Variants in MRPS31 observed in about 807,000 individuals in gnomAD.
MRPS31 encodes small ribosomal subunit protein mS31.
A neutral mutation model predicts 43.1 loss-of-function variants in MRPS31; 32 were observed. That is an observed-to-expected ratio of 0.74 (90% CI 0.56 to 1.00). The LOEUF (loss-of-function observed/expected upper bound fraction) is 1.00. Among genes scored for constraint, MRPS31 ranks in the 50% least tolerant of loss-of-function variants. MRPS31 has a pLI of 0.00. For missense variants in MRPS31, 437 were observed against 466.7 expected (o/e 0.94, Z 0.59); for synonymous variants, 165 against 161.6 (o/e 1.02, Z -0.16).
intron 6 of MRPS31, among the ~76,000 whole-genome samples, chr13:40,742,044 C>T (rs770886940): frequency 4.0e-5 from 6 of 151,626 alleles, no homozygotes; most frequent in Non-Finnish European, 5.9e-5. Context: ...AAACTATTGA[C>T]GATGGTTATT....
At chr13:40,744,201 G>A (rs935200255) in intron 6 of MRPS31, among the ~76,000 whole-genome samples, 1 of 152,190 alleles carries the variant, frequency 6.6e-6, no homozygotes, top group African/African-American at 2.4e-5. Flanking sequence ...GCCTATTTGA[G>A]GGTGGAGGGT....
chr13:40,765,439 A>G (rs1193508814), intron 2 of MRPS31, among the ~76,000 whole-genome samples: 1 of 152,218 alleles, frequency 6.6e-6, no homozygotes, highest in African/African-American at 2.4e-5. Flanking sequence ...TTCAATTATA[A>G]TTATAATAAA....
In MRPS31 at chr13:40,729,514, T is replaced by G. The variant is rs1216862252; in HGVS notation, c.1046A>C (p.His349Pro). The change falls in exon 7 of 7, where the codon CAC becomes CCC. Residue 349 changes from histidine to proline, a missense_variant. By Grantham distance (77) the His-to-Pro change is moderately conservative. Transcript: ENST00000323563. ...GCCACAAGTCACCAGCTCCATGAAG[T>G]GGCGAATTGGTCCTTGTTTTGGAAA... ...ESFPKQGPIR[H>P]FMELVTCGLS... The G allele has an allele frequency of 6.2e-7, 1 of 1,614,090 alleles. No individual in the cohort carries two copies. Among genetic ancestry groups the G allele is most frequent in the Non-Finnish European group, 8.5e-7 (1 of 1,179,972 alleles).
rs117439653 is a variant in MRPS31, at chr13:40,763,558, T to C, written c.440+3188A>G. ...TCAATTTTGTCATGACAATGTTGCC[T>C]ATAGTATAGCTGAAATTCTACAGTT... On this transcript the variant is annotated intron_variant, in intron 2 of 6. Transcript: ENST00000323563. Among the ~76,000 whole-genome samples the C allele has an allele frequency of 4.7e-3, 713 of 152,258 alleles. 4 individuals are homozygous for C. The highest frequency in any genetic ancestry group is 7.5e-3 in the Non-Finnish European group (511 of 68,016).
At chr13:40,769,401 T>C (rs947138093) in intron 1 of MRPS31, among the ~76,000 whole-genome samples, 3 of 96,982 alleles carry the variant, frequency 3.1e-5, no homozygotes, top group East Asian at 7.0e-4. Context: ...TATATATATA[T>C]ATATATATAT....
In MRPS31 at chr13:40,771,157, C is replaced by T; in HGVS notation, c.-21G>A. 6.3e-7 allele frequency: 1 copy of T among 1,585,856 alleles called. No individual in the cohort carries two copies. On this transcript the variant is annotated 5_prime_UTR_variant, in exon 1 of 7. Coordinates refer to ENST00000323563, the MANE Select transcript of MRPS31 (RefSeq NM_005830.4). Reference sequence around the variant, plus strand: ...AACATCGCCGAGACACGAAATGAACCAAGAACACAACTGAAATGGTGCGTC... The same window carrying T: ...AACATCGCCGAGACACGAAATGAACTAAGAACACAACTGAAATGGTGCGTC...
intron 6 of MRPS31, among the ~76,000 whole-genome samples, chr13:40,735,324 C>A (rs1879859138): frequency 6.6e-6 from 1 of 152,196 alleles, no homozygotes. Flanking sequence ...AGTCTGAGAT[C>A]AAACTGCAAG....
intron 6 of MRPS31, among the ~76,000 whole-genome samples, chr13:40,735,564 C>T (rs1463120111): frequency 1.3e-5 from 2 of 152,104 alleles, no homozygotes; most frequent in African/African-American, 4.8e-5. Flanking sequence ...GTGGTTCTCC[C>T]AGCACGCAGC....
At chr13:40,754,983 G>A (rs1055639395) in intron 4 of MRPS31, among the ~76,000 whole-genome samples, 15 of 152,342 alleles carry the variant, frequency 9.8e-5, no homozygotes, top group Middle Eastern at 3.4e-3. Context: ...GCAGTGAGCC[G>A]ACATTGTGCC....
intron 6 of MRPS31, among the ~76,000 whole-genome samples, chr13:40,737,281 G>T (rs1879942921): frequency 6.6e-6 from 1 of 152,074 alleles, no homozygotes; most frequent in Non-Finnish European, 1.5e-5. Context: ...GATTCATAAA[G>T]CAAGTCCTGA....
At chr13:40,742,422 T>C (rs551942276) in intron 6 of MRPS31, among the ~76,000 whole-genome samples, 3 of 152,344 alleles carry the variant, frequency 2.0e-5, no homozygotes, top group South Asian at 2.1e-4. Flanking sequence ...TCACTTTGAA[T>C]TGCTGTTTCC....
intron 6 of MRPS31, among the ~76,000 whole-genome samples, chr13:40,747,063 C>T (rs569134438): frequency 1.3e-5 from 2 of 152,012 alleles, no homozygotes; most frequent in Non-Finnish European, 2.9e-5. Flanking sequence ...TACCTCAATA[C>T]TGTTTTTTTT....
In MRPS31 at chr13:40,766,959, C is replaced by T. The variant is rs868622225; in HGVS notation, c.227G>A (p.Arg76Gln). 16 of 1,613,876 alleles carry T rather than the reference C, an allele frequency of 9.9e-6. No individual in the cohort carries two copies. The highest frequency in any genetic ancestry group is 1.7e-5 in the Admixed American group (1 of 59,986). The change falls in exon 2 of 7, where the codon CGA (arginine) becomes CAA (glutamine). Residue 76 changes from arginine (R) to glutamine (Q), a missense_variant. Physicochemically the swap from Arg to Gln is conservative, Grantham distance 43. Transcript: ENST00000323563. Reference sequence around the variant, plus strand: ...AGTCTCCTTGGAAGTCTCCTCAGTTCGAACAGACTGCTTATCTTTCTTGCT... The same window carrying T: ...AGTCTCCTTGGAAGTCTCCTCAGTTTGAACAGACTGCTTATCTTTCTTGCT... ...ICSKKDKQSV[R>Q]TEETSKETSE...
chr13:40,756,987 T>C lies in MRPS31; in HGVS notation c.626A>G (p.Lys209Arg). Reference sequence around the variant, plus strand: ...TCTAGCTGTAGCAGATCTGGCAACTTTCATATCTGATATTATGTTACTGAA... The same window carrying C: ...TCTAGCTGTAGCAGATCTGGCAACTCTCATATCTGATATTATGTTACTGAA... ...ISFSNIISDM[K>R]VARSATARVR... Residue 209 changes from lysine to arginine, a missense_variant, in exon 4 of 7, where the codon AAA (lysine) becomes AGA (arginine). Transcript: ENST00000323563. The C allele has an allele frequency of 6.2e-7, 1 of 1,611,928 alleles. No homozygotes were observed. Among genetic ancestry groups the C allele is most frequent in the Non-Finnish European group, 8.5e-7 (1 of 1,179,002 alleles).
intron 5 of MRPS31, among the ~76,000 whole-genome samples, chr13:40,750,742 T>TATA (rs1880363419): frequency 3.8e-5 from 5 of 130,850 alleles, no homozygotes; most frequent in African/African-American, 1.4e-4. Context: ...GTATCCCATT[T>TATA]TATATATATA....
intron 6 of MRPS31, among the ~76,000 whole-genome samples, chr13:40,745,843 C>A (rs1880227070): frequency 6.6e-6 from 1 of 151,692 alleles, no homozygotes; most frequent in African/African-American, 2.4e-5. Flanking sequence ...TAGTTAAAAT[C>A]AAAGTAGAGG....
chr13:40,733,267 G>T (rs962663818), intron 6 of MRPS31, among the ~76,000 whole-genome samples: 5 of 152,068 alleles, frequency 3.3e-5, no homozygotes, highest in Non-Finnish European at 7.4e-5. Context: ...GCCTCCCAAA[G>T]TGCTGGGATC....
chr13:40,752,529 C>T (rs1157254392), intron 5 of MRPS31: 1 of 152,128 alleles, frequency 6.6e-6, no homozygotes, highest in African/African-American at 2.4e-5. Context: ...ATATATTTTA[C>T]AGTACAGTTT....
intron 6 of MRPS31, among the ~76,000 whole-genome samples, chr13:40,739,326 A>C (rs1193908949): frequency 1.3e-5 from 2 of 152,156 alleles, no homozygotes; most frequent in Admixed American, 1.3e-4. Context: ...ATGCTTATAG[A>C]TAGGAAGAAT....
Sources: allele counts gnomAD v4.1 joint callset (sites outside exome capture counted in the v4.1 genomes callset), GRCh38; gene constraint gnomAD v4.1.1; transcripts MANE v1.5; gene names NCBI Gene and HGNC (gene_info 2026-07-23, HGNC 2026-07-21).